The following MTCL3 variants were observed in gnomAD, a reference collection of about 807,000 sequenced individuals.
MTCL3 encodes the protein microtubule cross-linking factor 3.
At chr6:127,510,176 C>T in the MTCL3 span, among the ~76,000 whole-genome samples, 125 of 152,220 alleles carry the variant, frequency 8.2e-4, no homozygotes, top group Non-Finnish European at 1.7e-3. Flanking sequence ...ATATATACTC[C>T]TAAATTATTT....
At chr6:127,491,412 C>T in the MTCL3 span, among the ~76,000 whole-genome samples, 3 of 152,294 alleles carry the variant, frequency 2.0e-5, no homozygotes, top group Non-Finnish European at 2.9e-5. Context: ...AGGGAAGACC[C>T]GCCATCCAAC....
the MTCL3 span, among the ~76,000 whole-genome samples, chr6:127,506,225 T>A: frequency 1.3e-5 from 2 of 152,182 alleles, no homozygotes; most frequent in Admixed American, 1.3e-4. Flanking sequence ...ATTTGTAGAT[T>A]CTATAGAAAA....
At chr6:127,511,999 T>A in the MTCL3 span, among the ~76,000 whole-genome samples, 2 of 152,230 alleles carry the variant, frequency 1.3e-5, no homozygotes, top group South Asian at 4.1e-4. Context: ...AGACAACTTG[T>A]GCATTTGCTA....
the MTCL3 span, among the ~76,000 whole-genome samples, chr6:127,504,590 T>G: frequency 6.6e-6 from 1 of 152,082 alleles, no homozygotes; most frequent in Non-Finnish European, 1.5e-5. Flanking sequence ...TTTATTACTG[T>G]CCCAAAGCCT....
chr6:127,496,332 C>T, the MTCL3 span, among the ~76,000 whole-genome samples: 8 of 152,234 alleles, frequency 5.3e-5, no homozygotes, highest in East Asian at 1.9e-4. Flanking sequence ...AAGACAAAAA[C>T]GTAAACACAG....
chr6:127,492,774 G>A, the MTCL3 span, among the ~76,000 whole-genome samples: 739 of 152,154 alleles, frequency 4.9e-3, 5 homozygotes, highest in African/African-American at 0.016. Context: ...CACTCGCCTC[G>A]GCCTCCCAAA....
chr6:127,491,804 G>A, the MTCL3 span, among the ~76,000 whole-genome samples: 14 of 148,170 alleles, frequency 9.4e-5, no homozygotes, highest in East Asian at 2.0e-4. Flanking sequence ...CCAGGAGTTC[G>A]AGGCTGCAGT....
At chr6:127,492,755 C>T in the MTCL3 span, among the ~76,000 whole-genome samples, 3 of 152,176 alleles carry the variant, frequency 2.0e-5, no homozygotes, top group Non-Finnish European at 4.4e-5. Flanking sequence ...ATCTCATGAC[C>T]TCGTGATCCA....
the MTCL3 span, among the ~76,000 whole-genome samples, chr6:127,513,423 T>C: frequency 8.1e-3 from 1,235 of 152,306 alleles, 19 homozygotes; most frequent in African/African-American, 0.028. Context: ...TTTTATCACA[T>C]GTAGAGAAAT....
chr6:127,511,904 G>A, the MTCL3 span, among the ~76,000 whole-genome samples: 1 of 152,166 alleles, frequency 6.6e-6, no homozygotes, highest in South Asian at 2.1e-4. Flanking sequence ...GCACAGCAAT[G>A]ACAGGTGGGT....
the MTCL3 span, among the ~76,000 whole-genome samples, chr6:127,515,249 C>G: frequency 6.6e-5 from 10 of 152,274 alleles, no homozygotes; most frequent in African/African-American, 2.4e-4. This position sits in a 1 kb window ranked among gnomAD's most constrained non-coding sequence, Gnocchi z 4.3. Context: ...TTCTCTTACT[C>G]TACCTCTCTC....
chr6:127,502,857 G>A, the MTCL3 span, among the ~76,000 whole-genome samples: 7 of 152,138 alleles, frequency 4.6e-5, no homozygotes, highest in East Asian at 3.8e-4. Context: ...CAGCTATTAC[G>A]TGACTTATCT....
chr6:127,486,544 G>A, the MTCL3 span, among the ~76,000 whole-genome samples: 1 of 152,120 alleles, frequency 6.6e-6, no homozygotes, highest in Non-Finnish European at 1.5e-5. Flanking sequence ...TCTGCTAGGG[G>A]AGCAGTTGGG....
the MTCL3 span, chr6:127,481,410 G>A: frequency 2.0e-6 from 2 of 985,374 alleles, no homozygotes; most frequent in Non-Finnish European, 2.4e-6. Context: ...ATGATATCAT[G>A]GTCTTGGCTG....
At chr6:127,482,467 A>G in the MTCL3 span, among the ~76,000 whole-genome samples, 4 of 152,140 alleles carry the variant, frequency 2.6e-5, no homozygotes. This position sits in a 1 kb window ranked among gnomAD's most constrained non-coding sequence, Gnocchi z 4.1. Context: ...TGCTTCTCCA[A>G]TCACTGGTAT....
chr6:127,490,309 G>C, the MTCL3 span, among the ~76,000 whole-genome samples: 1 of 152,168 alleles, frequency 6.6e-6, no homozygotes, highest in Non-Finnish European at 1.5e-5. Context: ...CTCTGATGGA[G>C]ATGTGCAAGG....
At chr6:127,516,128 G>A in the MTCL3 span, 2 of 1,458,168 alleles carry the variant, frequency 1.4e-6, no homozygotes, top group Non-Finnish European at 1.8e-6. Flanking sequence ...CCTTCTCCGA[G>A]CGGAGGGGGT....
the MTCL3 span, chr6:127,515,938 G>GT: frequency 6.2e-7 from 1 of 1,609,204 alleles, no homozygotes. This position sits in a 1 kb window ranked among gnomAD's most constrained non-coding sequence, Gnocchi z 4.3. Flanking sequence ...GGTTCCTGGG[G>GT]TTTTGCCCGC....
the MTCL3 span, chr6:127,515,382 C>T: frequency 1.1e-4 from 102 of 911,720 alleles, no homozygotes; most frequent in Non-Finnish European, 1.5e-4. The surrounding 1 kb of genome is among the most constrained non-coding windows in gnomAD (Gnocchi z 4.3). Flanking sequence ...AACCCCCTCC[C>T]TCCTTTCTTG....
Sources: gnomAD v4.1 joint callset for allele counts (sites outside exome capture counted in the v4.1 genomes callset) on GRCh38, gnomAD v4.1.1 for gene constraint, Gnocchi (gnomAD v3.1) non-coding constraint, MANE v1.5 for transcripts, NCBI Gene and HGNC (gene_info 2026-07-23, HGNC 2026-07-21) for gene names.